The following SEMA6A variants were observed in gnomAD, a reference collection of about 807,000 sequenced individuals.
SEMA6A encodes semaphorin 6A.
A neutral mutation model predicts 96.8 loss-of-function variants in SEMA6A; 25 were observed. That is an observed-to-expected ratio of 0.26 (90% CI 0.19 to 0.36). The LOEUF (loss-of-function observed/expected upper bound fraction) is 0.36. SEMA6A is among the 10% of genes least tolerant of loss of function. The pLI is 1.00. For missense variants in SEMA6A, 1,363 were observed against 1,323.1 expected (o/e 1.03, Z -0.47); for synonymous variants, 612 against 518.0 (o/e 1.18, Z -2.46).
intron 17 of SEMA6A, 68 bp from the exon 18 acceptor site, chr5:116,467,815 C>T (rs957903610): frequency 3.2e-6 from 5 of 1,542,850 alleles, no homozygotes; most frequent in Admixed American, 3.7e-5. Flanking sequence ...TGCGCAGAGG[C>T]CTGGAGGTGG....
chr5:116,558,112 G>T (rs548012241), intron 1 of SEMA6A, among the ~76,000 whole-genome samples: 5 of 152,042 alleles, frequency 3.3e-5, no homozygotes, highest in Non-Finnish European at 7.4e-5. Context: ...TAGATATTCA[G>T]TTTGTTAAAG....
At chr5:116,457,456 G>A (rs1405764187) in intron 18 of SEMA6A, among the ~76,000 whole-genome samples, 1 of 151,976 alleles carries the variant, frequency 6.6e-6, no homozygotes, top group African/African-American at 2.4e-5. Flanking sequence ...CAGTAAAAAA[G>A]AAGTAATTGC....
intron 17 of SEMA6A, 58 bp from the exon 18 acceptor site, chr5:116,467,805 T>G (rs752748888): frequency 9.5e-6 from 15 of 1,574,216 alleles, no homozygotes; most frequent in Non-Finnish European, 1.3e-5. Context: ...ACATTCCCTT[T>G]GCGCAGAGGC....
At chr5:116,456,592 A>C (rs1431914668) in intron 18 of SEMA6A, among the ~76,000 whole-genome samples, 1 of 152,220 alleles carries the variant, frequency 6.6e-6, no homozygotes, top group Non-Finnish European at 1.5e-5. Flanking sequence ...CTGCTGAAAC[A>C]ATGCTTGTGG....
At chr5:116,508,377 T>A (rs1056260502) in intron 1 of SEMA6A, 4 of 152,162 alleles carry the variant, frequency 2.6e-5, no homozygotes. Flanking sequence ...GAGCTGGAAA[T>A]GATTACAAAG....
chr5:116,530,685 A>G (rs1449738312), intron 1 of SEMA6A, among the ~76,000 whole-genome samples: 1 of 152,164 alleles, frequency 6.6e-6, no homozygotes, highest in Non-Finnish European at 1.5e-5. Context: ...TGGACTTCTG[A>G]TGGGTAAAAC....
rs982874388 is a variant in SEMA6A at position 116,528,011 on chromosome 5, A to G, written c.-38-23029T>C. 3.3e-5 allele frequency among the ~76,000 whole-genome samples: 5 copies of G among 152,328 alleles called. No homozygotes were observed. The East Asian group carries it at 5.8e-4, about 18-fold the overall frequency. On this transcript the variant is annotated intron_variant, in intron 1 of 18. Transcript: ENST00000343348. ...CCTTAATTAACAACTTTTGCAAGAC[A>G]TAAGTTGCAGATACAATTTCCTGTA...
At position 116,446,576 on chromosome 5, in the gene SEMA6A, G is replaced by C. The variant is rs1380410715; in HGVS notation, c.*37C>G. 3 of 1,447,568 alleles carry C rather than the reference G, an allele frequency of 2.1e-6. No homozygotes were observed. The highest frequency in any genetic ancestry group is 2.7e-6 in the Non-Finnish European group (3 of 1,094,234). The allele number at this position is 1,447,568 out of a possible 1,614,324, so 89.7% of individuals were successfully genotyped here. A position where few individuals can be genotyped will look rare whatever the true frequency, so the allele number is the denominator to read the frequency against. On this transcript the variant is annotated 3_prime_UTR_variant, in exon 19 of 19. Transcript: ENST00000343348. Reference sequence around the variant, plus strand: ...CTGAGCTGAGCGGGCACCTCGCCTTGCCTGCTGGTTCGACACCTGACCCCC... The same window carrying C: ...CTGAGCTGAGCGGGCACCTCGCCTTCCCTGCTGGTTCGACACCTGACCCCC...
At chr5:116,569,680 C>CA (rs1364093968) in intron 1 of SEMA6A, among the ~76,000 whole-genome samples, 1 of 151,974 alleles carries the variant, frequency 6.6e-6, no homozygotes, top group Non-Finnish European at 1.5e-5. Context: ...GCAGGTATTC[C>CA]AAAGGTGGAG....
At chr5:116,516,268 CTA>C (rs1292973006) in intron 1 of SEMA6A, among the ~76,000 whole-genome samples, 2 of 131,252 alleles carry the variant, frequency 1.5e-5, no homozygotes, top group Admixed American at 1.6e-4. Flanking sequence ...AGTAAAGTAT[CTA>C]TATACACAGT....
chr5:116,474,011 G>C (rs1580403625), intron 16 of SEMA6A, among the ~76,000 whole-genome samples: 1 of 152,164 alleles, frequency 6.6e-6, no homozygotes. Context: ...CACAGGGTTG[G>C]GACCTGAGAG....
intron 18 of SEMA6A, among the ~76,000 whole-genome samples, chr5:116,464,956 C>T (rs1484588191): frequency 1.3e-5 from 2 of 152,072 alleles, no homozygotes. Context: ...GGTCAGCGGG[C>T]ACATTTTCTG....
At chr5:116,522,149 GTC>G (rs1321855505) in intron 1 of SEMA6A, among the ~76,000 whole-genome samples, 1 of 152,210 alleles carries the variant, frequency 6.6e-6, no homozygotes, top group Non-Finnish European at 1.5e-5. Context: ...TAGTAACAGT[GTC>G]TCTGAGGGAG....
chr5:116,562,976 C>T (rs1760879218), intron 1 of SEMA6A: 2 of 572,940 alleles, frequency 3.5e-6, no homozygotes, highest in Middle Eastern at 2.9e-4. Context: ...TCTGACAGCA[C>T]CCGCAGGAAG....
intron 7 of SEMA6A, among the ~76,000 whole-genome samples, chr5:116,491,177 G>T (rs1336891714): frequency 6.6e-6 from 1 of 152,168 alleles, no homozygotes; most frequent in Non-Finnish European, 1.5e-5. Flanking sequence ...AGAGCTTCCA[G>T]AGGCTTCCTT....
At chr5:116,557,834 A>C (rs553206950) in intron 1 of SEMA6A, among the ~76,000 whole-genome samples, 2 of 152,348 alleles carry the variant, frequency 1.3e-5, no homozygotes, top group Non-Finnish European at 2.9e-5. Context: ...CCGGGGATCT[A>C]AACAAAAGTG....
At chr5:116,529,325 A>G (rs1276432723) in intron 1 of SEMA6A, among the ~76,000 whole-genome samples, 1 of 152,190 alleles carries the variant, frequency 6.6e-6, no homozygotes, top group Non-Finnish European at 1.5e-5. Flanking sequence ...CTAGTGTTCT[A>G]TAGCACTGTA....
At chr5:116,562,687 T>C in intron 1 of SEMA6A, 1 of 720,278 alleles carries the variant, frequency 1.4e-6, no homozygotes, top group Non-Finnish European at 2.6e-6. Context: ...CTTTTGTCCA[T>C]GTCACTGATC....
At chr5:116,473,873 C>T (rs984542643) in intron 16 of SEMA6A, among the ~76,000 whole-genome samples, 5 of 152,224 alleles carry the variant, frequency 3.3e-5, no homozygotes, top group Admixed American at 1.3e-4. Context: ...CCTCCTGCCC[C>T]GAGCAAGCAC....
Sources: gnomAD v4.1 joint callset for allele counts (sites outside exome capture counted in the v4.1 genomes callset) on GRCh38, gnomAD v4.1.1 for gene constraint, MANE v1.5 for transcripts, NCBI Gene and HGNC (gene_info 2026-07-23, HGNC 2026-07-21) for gene names.